Variants in PPP4R3B observed in about 807,000 individuals in gnomAD.
PPP4R3B encodes protein phosphatase 4 regulatory subunit 3B.
In PPP4R3B, 52 loss-of-function variants were observed where a neutral mutation model predicts 95.4. That is an observed-to-expected ratio of 0.54 (90% CI 0.44 to 0.69). The LOEUF (loss-of-function observed/expected upper bound fraction) is 0.69, where lower values mean the gene tolerates loss of function less well. PPP4R3B is among the 30% of genes least tolerant of loss of function. The pLI, the probability that PPP4R3B is intolerant of heterozygous loss-of-function variation, is 0.00. For synonymous variants in PPP4R3B, 407 were observed against 343.9 expected, an observed-to-expected ratio of 1.18 and a Z score of -2.03; for missense variants, 1,003 against 1,005.9, an observed-to-expected ratio of 1.00 and a Z score of 0.04.
chr2:55,557,921 A>G (rs541860840), intron 16 of PPP4R3B, among the ~76,000 whole-genome samples: 1 of 152,324 alleles, frequency 6.6e-6, no homozygotes, highest in East Asian at 1.9e-4. Flanking sequence ...TATAAGAACA[A>G]CAGAAAGTCT....
chr2:55,604,177 A>C, intron 2 of PPP4R3B, 101 bp from the exon 3 acceptor site: 1 of 766,650 alleles, frequency 1.3e-6, no homozygotes, highest in Non-Finnish European at 2.0e-6. Context: ...AGCAATGACA[A>C]ATGCCCCGAT....
chr2:55,588,999 TAA>T (rs1559010911), intron 4 of PPP4R3B, 43 bp from the exon 5 acceptor site: 2 of 1,229,044 alleles, frequency 1.6e-6, no homozygotes, highest in Non-Finnish European at 2.3e-6. Context: ...AACAAAAGAA[TAA>T]AGTTATACTC....
Position 55,564,508 on chromosome 2 carries a change from T to C in PPP4R3B, c.2076-11A>G. 2 of 1,573,758 alleles carry C rather than the reference T, an allele frequency of 1.3e-6. No homozygotes were observed. Among genetic ancestry groups the C allele is most frequent in the Non-Finnish European group, 1.7e-6 (2 of 1,164,676 alleles). On this transcript the variant is annotated splice_polypyrimidine_tract_variant and intron_variant, in intron 14 of 16. Coordinates refer to ENST00000616407, the MANE Select transcript of PPP4R3B (RefSeq NM_001122964.3). ...AATATAGATGGTACACTGTAAGAAA[T>C]ATATCACAAATATTGAGTAATGATT...
chr2:55,609,910 G>A (rs1693939005), intron 2 of PPP4R3B, among the ~76,000 whole-genome samples: 1 of 152,178 alleles, frequency 6.6e-6, no homozygotes, highest in Admixed American at 6.5e-5. Context: ...AAGGGAAACT[G>A]TACGGACAGA....
rs117306305 is a variant in PPP4R3B at position 55,590,364 on chromosome 2, T to A, written c.922-1408A>T. On this transcript the variant is annotated intron_variant, in intron 4 of 16. Coordinates refer to ENST00000616407, the MANE Select transcript of PPP4R3B (RefSeq NM_001122964.3). ...AATAATAATAATAAATAAATTTGTTTGTCTAAAGTCTAGGAGTACCGGTTA... is the reference window on the plus strand; with the variant it reads ...AATAATAATAATAAATAAATTTGTTAGTCTAAAGTCTAGGAGTACCGGTTA... Among the ~76,000 whole-genome samples, 297 of 152,238 alleles carry A rather than the reference T, an allele frequency of 2.0e-3. 6 individuals carry two copies. In the East Asian group the frequency reaches 0.05, roughly 25 times the overall value.
In PPP4R3B at chr2:55,617,573, CTACTA is replaced by C; in HGVS notation, c.-293_-289del. 1 of 338,242 alleles carries C rather than the reference CTACTA, an allele frequency of 3.0e-6. No individual in the cohort carries two copies. The highest frequency in any genetic ancestry group is 4.5e-5 in the Admixed American group (1 of 22,222). 21.0% of individuals were successfully genotyped at this position (338,242 alleles called of 1,614,324 possible). A position where few individuals can be genotyped will look rare whatever the true frequency, so the allele number is the denominator to read the frequency against. On this transcript the variant is annotated 5_prime_UTR_variant, in exon 1 of 17. The change abolishes the stop of an existing upstream ORF in the 5' untranslated region. Coordinates refer to ENST00000616407, the MANE Select transcript of PPP4R3B (RefSeq NM_001122964.3). ...GCTTGCTCTCCCGCCGCCGCGGTAA[CTACTA>C]CAGATCCGCCATCTTGTAACCCGAC...
intron 12 of PPP4R3B, among the ~76,000 whole-genome samples, chr2:55,573,223 C>A (rs867186463): frequency 6.6e-6 from 1 of 152,010 alleles, no homozygotes. Context: ...TCTCTGCTTG[C>A]AGGTGAAATT....
intron 4 of PPP4R3B, among the ~76,000 whole-genome samples, chr2:55,592,722 A>AT (rs1282653142): frequency 6.6e-6 from 1 of 152,212 alleles, no homozygotes; most frequent in Non-Finnish European, 1.5e-5. Flanking sequence ...ATAATATAAT[A>AT]TATGTAAATG....
intron 12 of PPP4R3B, among the ~76,000 whole-genome samples, chr2:55,570,358 G>T (rs1687852875): frequency 6.6e-6 from 1 of 152,174 alleles, no homozygotes; most frequent in Non-Finnish European, 1.5e-5. Flanking sequence ...ATGCACTGTG[G>T]CAGATCAGAA....
chr2:55,588,935 C>G lies in PPP4R3B; in HGVS notation c.943G>C (p.Glu315Gln), dbSNP rs1690569190. 6.2e-7 allele frequency: 1 copy of G among 1,607,382 alleles called. No homozygotes were observed. The highest frequency in any genetic ancestry group is 8.5e-7 in the Non-Finnish European group (1 of 1,175,720). Residue 315 changes from glutamate to glutamine, a missense_variant, in exon 5 of 17, where the codon GAA becomes CAA. Transcript: ENST00000616407. ...MLQEDEKFLS[E>Q]VFAQLTDEAT... ...TCATCTGTTAATTGTGCAAAAACTT[C>G]AGACAAAAACTTCTCATCTTCCTGC...
At chr2:55,561,228 G>C (rs1338197384) in intron 15 of PPP4R3B, among the ~76,000 whole-genome samples, 3 of 152,192 alleles carry the variant, frequency 2.0e-5, no homozygotes, top group African/African-American at 7.2e-5. Flanking sequence ...GGGGCCTGTG[G>C]GGTAGAGGCA....
At chr2:55,591,990 T>C (rs1049607007) in intron 4 of PPP4R3B, among the ~76,000 whole-genome samples, 1 of 152,182 alleles carries the variant, frequency 6.6e-6, no homozygotes, top group African/African-American at 2.4e-5. Context: ...ATAAAACCTA[T>C]ATATTTAAGT....
rs1159223591 is a variant in PPP4R3B at position 55,602,795 on chromosome 2, C to A, written c.297+1183G>T. 2.3e-4 allele frequency among the ~76,000 whole-genome samples: 35 copies of A among 152,282 alleles called. 1 individual carries two copies. The highest frequency in any genetic ancestry group is 6.5e-4 in the African/African-American group (27 of 41,542). ...TCCCACTGGTTATTGGAATCTGTATCATTTTGCTATAATAAACTGTAACTG... is the reference window on the plus strand; with the variant it reads ...TCCCACTGGTTATTGGAATCTGTATAATTTTGCTATAATAAACTGTAACTG... On this transcript the variant is annotated intron_variant, in intron 3 of 16. Transcript: ENST00000616407.
Position 55,598,851 on chromosome 2 carries a change from C to G in PPP4R3B, c.486G>C (p.Leu162=). Residue 162 remains leucine (L), a synonymous_variant, in exon 4 of 17, where the codon CTG becomes CTC. Coordinates refer to ENST00000616407, the MANE Select transcript of PPP4R3B (RefSeq NM_001122964.3). Reference sequence around the variant, plus strand: ...AGCCTTCATTTTCCAAGGCGAGAGCCAGCTTTTCCCTACGGATAGGTGAGG... The same window carrying G: ...AGCCTTCATTTTCCAAGGCGAGAGCGAGCTTTTCCCTACGGATAGGTGAGG... ...VLSSPIRREK[L]ALALENEGYI... 6.2e-7 allele frequency: 1 copy of G among 1,614,218 alleles called. No individual in the cohort carries two copies. The highest frequency in any genetic ancestry group is 8.5e-7 in the Non-Finnish European group (1 of 1,180,044).
intron 4 of PPP4R3B, 129 bp downstream of exon 4, chr2:55,598,287 A>T: frequency 2.1e-6 from 2 of 935,296 alleles, no homozygotes; most frequent in Non-Finnish European, 3.1e-6. Flanking sequence ...TGTTTACTTT[A>T]AATGTACTTA....
At chr2:55,614,653 T>C (rs1246495325) in intron 2 of PPP4R3B, 1 of 152,178 alleles carries the variant, frequency 6.6e-6, no homozygotes, top group Non-Finnish European at 1.5e-5. Flanking sequence ...ATGGAGAATG[T>C]AAACAACGGG....
rs778611028 is a variant in PPP4R3B, at chr2:55,617,226, G to A, written c.60C>T (p.Asp20=). The A allele has an allele frequency of 1.2e-5, 20 of 1,613,864 alleles. No homozygotes were observed. The highest frequency in any genetic ancestry group is 1.6e-5 in the Non-Finnish European group (19 of 1,179,952). The change falls in exon 1 of 17, where the codon GAC becomes GAT. Residue 20 remains aspartate (D), a synonymous_variant. Coordinates refer to ENST00000616407, the MANE Select transcript of PPP4R3B (RefSeq NM_001122964.3). ...VYTLNEDRQW[D]DRGTGHVSST... ...AGGAGACGTGCCCGGTGCCTCGGTC[G>A]TCCCATTGCCGGTCTTCGTTCAGGG...
chr2:55,593,737 C>CAA lies in PPP4R3B; in HGVS notation c.921+4677_921+4678dup, dbSNP rs989553916. 2.2e-4 allele frequency among the ~76,000 whole-genome samples: 34 copies of CAA among 152,066 alleles called. 1 individual carries two copies. The East Asian group carries it at 4.0e-3, about 18-fold the overall frequency. ...GCAACATAGCAAAACCCCACCTCTA[C>CAA]AAAAAATAAAATAAAATAGAGACCA... On this transcript the variant is annotated intron_variant, in intron 4 of 16. Transcript: ENST00000616407.
chr2:55,562,197 G>C (rs904681264), intron 15 of PPP4R3B, among the ~76,000 whole-genome samples: 5 of 152,128 alleles, frequency 3.3e-5, no homozygotes, highest in African/African-American at 1.2e-4. Flanking sequence ...CAAAGTGGGT[G>C]AATCATCTGA....
Sources: allele counts gnomAD v4.1 joint callset (sites outside exome capture counted in the v4.1 genomes callset), GRCh38; gene constraint gnomAD v4.1.1; transcripts MANE v1.5; gene names NCBI Gene and HGNC (gene_info 2026-07-23, HGNC 2026-07-21).